Variants in SNX16 observed in about 807,000 individuals in gnomAD.
SNX16 encodes the protein sorting nexin 16.
SNX16 carries 35 observed loss-of-function variants against 36.7 expected under a neutral mutation model. The observed-to-expected ratio is 0.95, with a 90% CI of 0.73 to 1.27. The LOEUF is 1.27. Ranked by LOEUF, SNX16 falls within the 50% of genes most tolerant of loss-of-function variation. SNX16 has a pLI of 0.00. For missense variants in SNX16, 367 were observed against 393.6 expected (o/e 0.93, Z 0.57); for synonymous variants, 134 against 132.0 (o/e 1.02, Z -0.10).
At chr8:81,835,860 C>T (rs1172622336) in intron 2 of SNX16, among the ~76,000 whole-genome samples, 1 of 152,188 alleles carries the variant, frequency 6.6e-6, no homozygotes. Flanking sequence ...CAGGGAGACT[C>T]CCGCTTTTAA....
chr8:81,828,189 G>A (rs1275723683), intron 3 of SNX16, among the ~76,000 whole-genome samples: 1 of 152,066 alleles, frequency 6.6e-6, no homozygotes, highest in Non-Finnish European at 1.5e-5. Context: ...TGCCCTTAAA[G>A]CTAAATATTT....
At chr8:81,811,821 T>C (rs185278778) in intron 5 of SNX16, among the ~76,000 whole-genome samples, 37 of 152,244 alleles carry the variant, frequency 2.4e-4, no homozygotes, top group Admixed American at 2.3e-3. Flanking sequence ...AGGCAGTCAA[T>C]TGAAGCTATC....
At chr8:81,813,225 T>C (rs1490081038) in intron 5 of SNX16, among the ~76,000 whole-genome samples, 1 of 151,752 alleles carries the variant, frequency 6.6e-6, no homozygotes, top group Non-Finnish European at 1.5e-5. Flanking sequence ...GTAATGATAA[T>C]AGAGCTGCAG....
Position 81,801,327 on chromosome 8 carries a change from T to C in SNX16, c.*170A>G. 3 of 415,712 alleles carry C rather than the reference T, an allele frequency of 7.2e-6. No homozygotes were observed. Among genetic ancestry groups the C allele is most frequent in the Non-Finnish European group, 1.3e-5 (3 of 234,718 alleles). The allele number at this position is 415,712 out of a possible 1,614,324, so 25.8% of individuals were successfully genotyped here. ...AAATACAATTAAAAGCAGCAGTGAATATATTTCCTATCTCAATAACTTAAA... is the reference window on the plus strand; with the variant it reads ...AAATACAATTAAAAGCAGCAGTGAACATATTTCCTATCTCAATAACTTAAA... On this transcript the variant is annotated 3_prime_UTR_variant, in exon 8 of 8. Coordinates refer to ENST00000345957, the MANE Select transcript of SNX16 (RefSeq NM_152836.3).
intron 5 of SNX16, among the ~76,000 whole-genome samples, chr8:81,813,092 A>G (rs566520079): frequency 1.3e-5 from 2 of 152,198 alleles, no homozygotes; most frequent in Admixed American, 1.3e-4. Flanking sequence ...TGTAAAAGAC[A>G]GATGTCGGAA....
intron 1 of SNX16, among the ~76,000 whole-genome samples, chr8:81,840,604 G>A (rs79444744): frequency 0.072 from 11,001 of 152,224 alleles, 551 homozygotes; most frequent in East Asian, 0.18. Flanking sequence ...CAGATGCTTT[G>A]ATGCTACATA....
At position 81,801,504 on chromosome 8, in the gene SNX16, T is replaced by C. The variant is rs1809684569; in HGVS notation, c.1028A>G (p.Glu343Gly). 3 of 1,587,434 alleles carry C rather than the reference T, an allele frequency of 1.9e-6. No homozygotes were observed. Among genetic ancestry groups the C allele is most frequent in the Non-Finnish European group, 2.6e-6 (3 of 1,166,864 alleles). The change falls in exon 8 of 8, where the codon GAA becomes GGA. Residue 343 changes from glutamate (E) to glycine (G), a missense_variant. Coordinates refer to ENST00000345957, the MANE Select transcript of SNX16 (RefSeq NM_152836.3). Reference sequence around the variant, plus strand: ...GGAACTGCTTGTGATACATTAGTCTTCTTCAGCATCATATGCCACTTCTGC... The same window carrying C: ...GGAACTGCTTGTGATACATTAGTCTCCTTCAGCATCATATGCCACTTCTGC... ...EVAEVAYDAEED is the reference protein window; with the variant it reads ...EVAEVAYDAEGD
intron 5 of SNX16, among the ~76,000 whole-genome samples, chr8:81,805,790 G>A (rs1396196616): frequency 6.6e-6 from 1 of 151,894 alleles, no homozygotes; most frequent in Non-Finnish European, 1.5e-5. Flanking sequence ...GCGTGGTGGC[G>A]AGGGCCTGTA....
Position 81,800,810 on chromosome 8 carries a change from A to G in SNX16, c.*687T>C, listed in dbSNP as rs1809652868. ...TACGTGGAAACTAAACAAATGTAAC[A>G]TATTAATAACTGTGACACTTATTAA... is the stretch of plus-strand genomic sequence containing the variant. On this transcript the variant is annotated 3_prime_UTR_variant, in exon 8 of 8. Coordinates refer to ENST00000345957, the MANE Select transcript of SNX16 (RefSeq NM_152836.3). 1 of 152,238 alleles carries G rather than the reference A, an allele frequency of 6.6e-6. No homozygotes were observed. The highest frequency in any genetic ancestry group is 1.5e-5 in the Non-Finnish European group (1 of 67,702). The allele number at this position is 152,238 out of a possible 1,614,324, so 9.4% of individuals were successfully genotyped here.
intron 3 of SNX16, among the ~76,000 whole-genome samples, chr8:81,824,534 T>C (rs1563447062): frequency 6.6e-6 from 1 of 152,066 alleles, no homozygotes; most frequent in Non-Finnish European, 1.5e-5. Flanking sequence ...TTTTAGATCA[T>C]AAAAAAAGTC....
In SNX16 at chr8:81,799,668, TA is replaced by T. The variant is rs1389478681; in HGVS notation, c.*1828del. 1.3e-5 allele frequency: 2 copies of T among 151,878 alleles called. No homozygotes were observed. The highest frequency in any genetic ancestry group is 2.9e-5 in the Non-Finnish European group (2 of 67,826). 9.4% of individuals were successfully genotyped at this position (151,878 alleles called of 1,614,324 possible). Reference sequence around the variant, plus strand: ...AGTAAAAAAAAGTAAATTATAAATATAAATAATAGTGGTTTACCTAATTAAC... The same window carrying T: ...AGTAAAAAAAAGTAAATTATAAATATAATAATAGTGGTTTACCTAATTAAC... On this transcript the variant is annotated 3_prime_UTR_variant, in exon 8 of 8. Transcript: ENST00000345957.
At chr8:81,836,320 AAGAT>A (rs1811494927) in intron 2 of SNX16, among the ~76,000 whole-genome samples, 2 of 152,336 alleles carry the variant, frequency 1.3e-5, no homozygotes, top group South Asian at 4.1e-4. Flanking sequence ...TTACAAACCT[AAGAT>A]TCTCAAGTTT....
chr8:81,809,382 A>G (rs1335896204), intron 5 of SNX16, among the ~76,000 whole-genome samples: 12 of 152,196 alleles, frequency 7.9e-5, no homozygotes, highest in Admixed American at 7.2e-4. Flanking sequence ...TATAGATGGG[A>G]ATGAAGCTTG....
chr8:81,838,838 G>T (rs1445272860), intron 2 of SNX16, among the ~76,000 whole-genome samples: 5 of 151,864 alleles, frequency 3.3e-5, no homozygotes, highest in Non-Finnish European at 7.4e-5. Context: ...ACCACAGAGT[G>T]AGAGGATAGT....
chr8:81,820,576 C>T (rs1358722384), intron 4 of SNX16, among the ~76,000 whole-genome samples: 1 of 143,200 alleles, frequency 7.0e-6, no homozygotes, highest in Non-Finnish European at 1.6e-5. Flanking sequence ...TATTTGGCAA[C>T]CTCAGACTTT....
At chr8:81,804,151 T>A (rs1189657312) in intron 5 of SNX16, among the ~76,000 whole-genome samples, 1 of 151,848 alleles carries the variant, frequency 6.6e-6, no homozygotes, top group Non-Finnish European at 1.5e-5. Flanking sequence ...AAAATAACTA[T>A]CAAGGTAGAA....
intron 2 of SNX16, among the ~76,000 whole-genome samples, chr8:81,834,743 GTGGGCTCCCA>G (rs1811418644): frequency 6.6e-6 from 1 of 152,148 alleles, no homozygotes. Flanking sequence ...CATGCAAGAG[GTGGGCTCCCA>G]TGGCCTTGGG....
rs1811651448 is a variant in SNX16, at chr8:81,839,725, T to G, written c.262A>C (p.Thr88Pro). ...TGTASSIEYS[T>P]RPRDTEEQNP... is the part of the protein sequence containing the mutation. ...TGTTCTTCAGTGTCTCTTGGTCTAG[T>G]AGAATACTCAATGGAAGAAGCTGTA... Residue 88 changes from threonine to proline, a missense_variant, in exon 2 of 8, where the codon ACT becomes CCT. By Grantham distance (38) the Thr-to-Pro change is conservative (BLOSUM62 -1). Coordinates refer to ENST00000345957, the MANE Select transcript of SNX16 (RefSeq NM_152836.3). 6.2e-7 allele frequency: 1 copy of G among 1,614,022 alleles called. No individual in the cohort carries two copies. Among genetic ancestry groups the G allele is most frequent in the African/African-American group, 1.3e-5 (1 of 75,048 alleles).
chr8:81,833,511 A>G (rs1811359248), intron 2 of SNX16, among the ~76,000 whole-genome samples: 1 of 152,226 alleles, frequency 6.6e-6, no homozygotes, highest in Non-Finnish European at 1.5e-5. Context: ...CAATGGGAAT[A>G]CAAAAGAAAT....
Sources: gnomAD v4.1 joint callset for allele counts (sites outside exome capture counted in the v4.1 genomes callset) on GRCh38, gnomAD v4.1.1 for gene constraint, MANE v1.5 for transcripts, NCBI Gene and HGNC (gene_info 2026-07-23, HGNC 2026-07-21) for gene names.